Variants in PTPRD observed in about 807,000 individuals in gnomAD.
PTPRD encodes protein tyrosine phosphatase receptor type D, also known as receptor-type tyrosine-protein phosphatase delta.
PTPRD carries 34 observed loss-of-function variants against 214.5 expected under a neutral mutation model. That is an observed-to-expected ratio of 0.16 (90% CI 0.12 to 0.21). PTPRD has a LOEUF of 0.21. PTPRD is among the 10% of genes least tolerant of loss of function. PTPRD has a pLI of 1.00. For missense variants in PTPRD, 2,545 were observed against 2,398.7 expected (o/e 1.06, Z -1.27); for synonymous variants, 1,128 against 845.7 (o/e 1.33, Z -5.79).
intron 4 of PTPRD, among the ~76,000 whole-genome samples, chr9:10,003,672 G>C (rs961324090): frequency 6.6e-6 from 1 of 151,528 alleles, no homozygotes; most frequent in Non-Finnish European, 1.5e-5. Flanking sequence ...AACCCAATAA[G>C]GCTGATAAAA....
At chr9:9,756,620 T>C (rs955808208) in intron 6 of PTPRD, among the ~76,000 whole-genome samples, 10 of 152,068 alleles carry the variant, frequency 6.6e-5, no homozygotes, top group Admixed American at 6.6e-4. Flanking sequence ...GAGTTTTCCT[T>C]TGGGGTAATG....
At chr9:8,567,139 G>T (rs2154220055) in intron 14 of PTPRD, among the ~76,000 whole-genome samples, 1 of 152,176 alleles carries the variant, frequency 6.6e-6, no homozygotes, top group Non-Finnish European at 1.5e-5. Flanking sequence ...GTTTCACATT[G>T]ATGCAATGAA....
chr9:8,965,351 G>A (rs997339252), intron 11 of PTPRD, among the ~76,000 whole-genome samples: 2 of 149,506 alleles, frequency 1.3e-5, no homozygotes, highest in African/African-American at 5.0e-5. Flanking sequence ...CTGCACTCCA[G>A]CCTGGGTGAC....
intron 2 of PTPRD, among the ~76,000 whole-genome samples, chr9:10,473,402 A>G (rs1346096621): frequency 6.6e-6 from 1 of 152,134 alleles, no homozygotes; most frequent in Non-Finnish European, 1.5e-5. Flanking sequence ...ACTTTTATCT[A>G]GAGATATCTC....
intron 11 of PTPRD, among the ~76,000 whole-genome samples, chr9:8,930,251 G>A (rs1588251511): frequency 6.6e-6 from 1 of 151,902 alleles, no homozygotes; most frequent in South Asian, 2.1e-4. Context: ...TGAGAATGAT[G>A]GTTTCCAGCT....
chr9:10,484,459 C>T (rs549762080), intron 2 of PTPRD, among the ~76,000 whole-genome samples: 1 of 152,208 alleles, frequency 6.6e-6, no homozygotes, highest in South Asian at 2.1e-4. Flanking sequence ...TAAGGACCCT[C>T]CAAGCTGTTT....
At chr9:9,679,358 T>C (rs2097014072) in intron 7 of PTPRD, among the ~76,000 whole-genome samples, 1 of 151,108 alleles carries the variant, frequency 6.6e-6, no homozygotes, top group African/African-American at 2.5e-5. Flanking sequence ...ATCAGTAACA[T>C]TGTTGAATAT....
chr9:9,252,576 G>A (rs932261058), intron 9 of PTPRD, among the ~76,000 whole-genome samples: 1 of 151,888 alleles, frequency 6.6e-6, no homozygotes. Flanking sequence ...TTGACTCCTG[G>A]GCTCAGGCAA....
chr9:8,344,749 G>A (rs967330040), intron 39 of PTPRD, among the ~76,000 whole-genome samples: 4 of 151,964 alleles, frequency 2.6e-5, no homozygotes, highest in African/African-American at 9.7e-5. Flanking sequence ...TACCTCTTCA[G>A]ACATCAATGG....
At chr9:8,539,473 A>G (rs2077800831) in intron 14 of PTPRD, among the ~76,000 whole-genome samples, 1 of 151,890 alleles carries the variant, frequency 6.6e-6, no homozygotes, top group Non-Finnish European at 1.5e-5. Flanking sequence ...AATAATTTTG[A>G]AGTTTTAAAT....
intron 7 of PTPRD, among the ~76,000 whole-genome samples, chr9:9,718,630 G>A (rs567653866): frequency 1.3e-5 from 2 of 152,334 alleles, no homozygotes; most frequent in Admixed American, 6.5e-5. Context: ...GCCTCTCCCT[G>A]CTCCAAGCAC....
intron 3 of PTPRD, among the ~76,000 whole-genome samples, chr9:10,100,319 T>C (rs1233483579): frequency 1.3e-5 from 2 of 151,638 alleles, no homozygotes; most frequent in Non-Finnish European, 3.0e-5. Flanking sequence ...ATCCTCAATC[T>C]ATAGAGAAAA....
intron 3 of PTPRD, among the ~76,000 whole-genome samples, chr9:10,168,125 T>C (rs1310624942): frequency 6.6e-6 from 1 of 152,242 alleles, no homozygotes; most frequent in Non-Finnish European, 1.5e-5. Context: ...CTTTTGCAGG[T>C]GATGGCATTT....
In PTPRD at chr9:9,187,780, A is replaced by C. The variant is rs187560116; in HGVS notation, c.-202-4417T>G. On this transcript the variant is annotated intron_variant, in intron 9 of 45. Coordinates refer to ENST00000381196, the MANE Select transcript of PTPRD (RefSeq NM_002839.4). ...CCTCTCATGACTAAAGAATAAGAGGATTTTTTTTTTGTGGTGTTGTGTTAT... is the reference window on the plus strand; with the variant it reads ...CCTCTCATGACTAAAGAATAAGAGGCTTTTTTTTTTGTGGTGTTGTGTTAT... 4.1e-3 allele frequency among the ~76,000 whole-genome samples: 607 copies of C among 149,236 alleles called. 4 individuals are homozygous for C. The highest frequency in any genetic ancestry group is 0.014 in the African/African-American group (586 of 40,814).
At chr9:9,216,905 T>A (rs2099952631) in intron 9 of PTPRD, among the ~76,000 whole-genome samples, 1 of 152,314 alleles carries the variant, frequency 6.6e-6, no homozygotes, top group Admixed American at 6.5e-5. Flanking sequence ...CAACATTTAT[T>A]GTTTTTTCTT....
intron 20 of PTPRD, 46 bp from the exon 21 acceptor site, chr9:8,518,475 T>C (rs1222998686): frequency 4.6e-6 from 6 of 1,315,120 alleles, no homozygotes; most frequent in East Asian, 2.3e-5. Flanking sequence ...ATCATCCCTA[T>C]AATATTTCAA....
At chr9:8,714,056 T>C (rs868242192) in intron 12 of PTPRD, among the ~76,000 whole-genome samples, 6 of 152,162 alleles carry the variant, frequency 3.9e-5, no homozygotes, top group African/African-American at 1.4e-4. Flanking sequence ...AAATTTACTA[T>C]TGGCCATAAT....
chr9:9,564,909 T>TG (rs2084028462), intron 8 of PTPRD, among the ~76,000 whole-genome samples: 1 of 136,340 alleles, frequency 7.3e-6, no homozygotes, highest in African/African-American at 2.7e-5. Flanking sequence ...TTTTTTTTTT[T>TG]TTTTGCAGTG....
chr9:8,600,859 C>A (rs2094814276), intron 14 of PTPRD, among the ~76,000 whole-genome samples: 1 of 151,902 alleles, frequency 6.6e-6, no homozygotes, highest in Non-Finnish European at 1.5e-5. Context: ...TGGGGAGAAA[C>A]TGCTTCTGCT....
Sources: gnomAD v4.1 joint callset for allele counts (sites outside exome capture counted in the v4.1 genomes callset) on GRCh38, gnomAD v4.1.1 for gene constraint, MANE v1.5 for transcripts, NCBI Gene and HGNC (gene_info 2026-07-23, HGNC 2026-07-21) for gene names.